Variants in CSMD1 observed in about 807,000 individuals in gnomAD.
CSMD1 encodes CUB and sushi domain-containing protein 1.
A neutral mutation model predicts 417.5 loss-of-function variants in CSMD1; 213 were observed. The ratio of observed to expected loss-of-function variants is 0.51; its 90% CI spans 0.46 to 0.57. CSMD1 has a LOEUF of 0.57. Among genes scored for constraint, CSMD1 ranks in the 20% least tolerant of loss-of-function variants. The pLI is 0.00. For missense variants in CSMD1, 6,923 were observed against 4,529.7 expected, an observed-to-expected ratio of 1.53 and a Z score of -15.17; for synonymous variants, 2,862 against 1,736.8, an observed-to-expected ratio of 1.65 and a Z score of -16.11.
intron 2 of CSMD1, among the ~76,000 whole-genome samples, chr8:4,464,587 A>C (rs892911015): frequency 3.9e-5 from 6 of 152,294 alleles, no homozygotes; most frequent in Middle Eastern, 3.4e-3. Flanking sequence ...GGTGGTTTCT[A>C]CTGAACGTGT....
At chr8:4,416,770 T>C (rs1398464686) in intron 3 of CSMD1, among the ~76,000 whole-genome samples, 1 of 152,110 alleles carries the variant, frequency 6.6e-6, no homozygotes, top group Admixed American at 6.6e-5. Context: ...ATTTTCTGAC[T>C]TCCTAGATGT....
chr8:3,588,411 A>T (rs1268138448), intron 8 of CSMD1, among the ~76,000 whole-genome samples: 1 of 152,152 alleles, frequency 6.6e-6, no homozygotes, highest in Non-Finnish European at 1.5e-5. Context: ...CAGTGTGGCC[A>T]CTTCTTCAAT....
chr8:4,743,526 G>T (rs1200704834), intron 1 of CSMD1, among the ~76,000 whole-genome samples: 4 of 152,160 alleles, frequency 2.6e-5, no homozygotes, highest in Non-Finnish European at 5.9e-5. Flanking sequence ...AGTTCATGAT[G>T]TTCTTTCCAA....
intron 2 of CSMD1, among the ~76,000 whole-genome samples, chr8:4,491,859 G>A (rs911001416): frequency 3.9e-5 from 6 of 152,132 alleles, no homozygotes; most frequent in African/African-American, 1.4e-4. Flanking sequence ...TCCAGCAACT[G>A]TCCTCTTTGG....
At chr8:4,621,161 G>C (rs1463662449) in intron 2 of CSMD1, among the ~76,000 whole-genome samples, 1 of 151,844 alleles carries the variant, frequency 6.6e-6, no homozygotes, top group African/African-American at 2.4e-5. Context: ...TTCGAATTTT[G>C]GAATATATGC....
chr8:4,434,174 C>G (rs1292567053), intron 2 of CSMD1, among the ~76,000 whole-genome samples: 1 of 152,114 alleles, frequency 6.6e-6, no homozygotes, highest in African/African-American at 2.4e-5. Flanking sequence ...CCAGTCTCTA[C>G]TAAAAATACA....
intron 2 of CSMD1, among the ~76,000 whole-genome samples, chr8:4,629,596 C>G (rs1171356689): frequency 2.0e-5 from 3 of 152,074 alleles, no homozygotes; most frequent in Non-Finnish European, 4.4e-5. Flanking sequence ...TTTAGGAAGT[C>G]CAATTTTTCA....
intron 3 of CSMD1, among the ~76,000 whole-genome samples, chr8:4,312,100 A>C (rs1488667189): frequency 6.6e-6 from 1 of 152,116 alleles, no homozygotes; most frequent in African/African-American, 2.4e-5. Flanking sequence ...CAGGAGTTAA[A>C]AAAGTTATCA....
chr8:3,123,999 TGAAAAACACC>T (rs1817357024), intron 41 of CSMD1, among the ~76,000 whole-genome samples: 1 of 152,154 alleles, frequency 6.6e-6, no homozygotes, highest in Non-Finnish European at 1.5e-5. Flanking sequence ...ATAACCTCTA[TGAAAAACACC>T]GAAATAGGAC....
chr8:3,273,946 T>C (rs1333319631), intron 26 of CSMD1, among the ~76,000 whole-genome samples: 53 of 152,110 alleles, frequency 3.5e-4, no homozygotes, highest in African/African-American at 1.2e-3. Flanking sequence ...ACTCTGATTT[T>C]AGTTATTTCT....
chr8:4,430,337 C>A (rs1274298348), intron 2 of CSMD1, among the ~76,000 whole-genome samples: 3 of 152,076 alleles, frequency 2.0e-5, no homozygotes, highest in Admixed American at 6.5e-5. Flanking sequence ...TGATAGTTTT[C>A]CTTCCTAAAA....
Position 3,409,474 on chromosome 8 carries a change from T to G in CSMD1, c.1693A>C (p.Ile565Leu), listed in dbSNP as rs768300996. Residue 565 changes from isoleucine (I) to leucine (L), a missense_variant, in exon 13 of 70, where the codon ATC (isoleucine) becomes CTC (leucine). Transcript: ENST00000635120. The part of the protein sequence containing the change: ...AAFELVGERV[I>L]TCQQNNQWSG... Reference sequence around the variant, plus strand: ...CACTGATTGTTCTGCTGACAGGTGATAACTCTCTCCCCCACCAGCTCAAAG... The same window carrying G: ...CACTGATTGTTCTGCTGACAGGTGAGAACTCTCTCCCCCACCAGCTCAAAG... 6.8e-6 allele frequency: 11 copies of G among 1,611,536 alleles called. No homozygotes were observed. In the African/African-American group the frequency reaches 1.5e-4, roughly 22 times the overall value.
chr8:4,564,331 G>C (rs1798489200), intron 2 of CSMD1, among the ~76,000 whole-genome samples: 2 of 151,912 alleles, frequency 1.3e-5, no homozygotes, highest in African/African-American at 4.8e-5. Flanking sequence ...ATTTTATTTT[G>C]TCTGTCTAGG....
At chr8:4,468,759 G>T (rs774245719) in intron 2 of CSMD1, among the ~76,000 whole-genome samples, 2 of 152,120 alleles carry the variant, frequency 1.3e-5, no homozygotes, top group African/African-American at 4.8e-5. Context: ...TTCTATGTCT[G>T]AATCAGCTTA....
chr8:4,469,947 A>C (rs1378478279), intron 2 of CSMD1, among the ~76,000 whole-genome samples: 1 of 148,096 alleles, frequency 6.8e-6, no homozygotes, highest in Non-Finnish European at 1.5e-5. Context: ...GGCTCACTGC[A>C]AGCTCCACCT....
chr8:3,701,158 C>G (rs1408567084), intron 7 of CSMD1, among the ~76,000 whole-genome samples: 1 of 152,098 alleles, frequency 6.6e-6, no homozygotes, highest in African/African-American at 2.4e-5. Flanking sequence ...TAGACATCAA[C>G]GTGACTCCCA....
intron 7 of CSMD1, among the ~76,000 whole-genome samples, chr8:3,667,911 G>C (rs548481025): frequency 3.9e-5 from 6 of 152,146 alleles, no homozygotes; most frequent in African/African-American, 1.4e-4. Flanking sequence ...GACTCTGTAT[G>C]TTGCGGAGAC....
intron 11 of CSMD1, among the ~76,000 whole-genome samples, chr8:3,473,124 T>C (rs1817202915): frequency 6.6e-6 from 1 of 152,222 alleles, no homozygotes; most frequent in Non-Finnish European, 1.5e-5. Context: ...TTATACTGTC[T>C]ATTCAACTAC....
intron 3 of CSMD1, among the ~76,000 whole-genome samples, chr8:4,416,624 A>C (rs1402680733): frequency 2.6e-5 from 4 of 152,056 alleles, no homozygotes; most frequent in Non-Finnish European, 4.4e-5. Context: ...TTAAAATCTA[A>C]AGAGAAAAAT....
Sources: allele counts gnomAD v4.1 joint callset (sites outside exome capture counted in the v4.1 genomes callset), GRCh38; gene constraint gnomAD v4.1.1; transcripts MANE v1.5; gene names NCBI Gene and HGNC (gene_info 2026-07-23, HGNC 2026-07-21).